The following ERBB4 variants were observed in gnomAD, a reference collection of about 807,000 sequenced individuals.
ERBB4 encodes receptor tyrosine-protein kinase erbB-4.
In ERBB4, 42 loss-of-function variants were observed where a neutral mutation model predicts 158.0. The ratio of observed to expected loss-of-function variants is 0.27; its 90% CI spans 0.21 to 0.34. The LOEUF (loss-of-function observed/expected upper bound fraction) is 0.34, where lower values mean the gene tolerates loss of function less well. Ranked by LOEUF, ERBB4 falls within the 10% of genes least tolerant of loss-of-function variation. The pLI is 1.00. For synonymous variants in ERBB4, 583 were observed against 558.7 expected (o/e 1.04, Z -0.61); for missense variants, 1,333 against 1,624.1 (o/e 0.82, Z 3.08).
intron 1 of ERBB4, among the ~76,000 whole-genome samples, chr2:212,399,804 A>G (rs1345475632): frequency 6.6e-6 from 1 of 151,576 alleles, no homozygotes; most frequent in Non-Finnish European, 1.5e-5. Context: ...ACTTCAATCC[A>G]GGAGGTGGAG....
At chr2:211,498,596 C>G (rs1055048338) in intron 20 of ERBB4, among the ~76,000 whole-genome samples, 5 of 151,952 alleles carry the variant, frequency 3.3e-5, no homozygotes, top group African/African-American at 4.8e-5. Context: ...ACCATTTTTT[C>G]AAACATCATA....
At chr2:211,762,431 C>T (rs1041776488) in intron 4 of ERBB4, among the ~76,000 whole-genome samples, 4 of 152,160 alleles carry the variant, frequency 2.6e-5, no homozygotes, top group South Asian at 4.1e-4. Flanking sequence ...ACTGGAACTT[C>T]GGGCTCTTGT....
At chr2:212,074,919 G>T (rs2078229522) in intron 2 of ERBB4, among the ~76,000 whole-genome samples, 1 of 151,882 alleles carries the variant, frequency 6.6e-6, no homozygotes, top group South Asian at 2.1e-4. Flanking sequence ...TTTAAAATTT[G>T]CTGGTCGTAG....
intron 25 of ERBB4, among the ~76,000 whole-genome samples, chr2:211,405,039 G>A (rs1432577578): frequency 6.6e-6 from 1 of 152,122 alleles, no homozygotes; most frequent in Non-Finnish European, 1.5e-5. Flanking sequence ...TTGTTAGTTT[G>A]AAGTGCTTTA....
In ERBB4 at chr2:211,430,895, G is replaced by A. The variant is rs763390054; in HGVS notation, c.2643+50C>T. On this transcript the variant is annotated intron_variant, in intron 21 of 27. Transcript: ENST00000342788. The stretch of plus-strand genomic sequence containing the variant: ...TTGTATAAAATATAAGGAGATAAAA[G>A]GATATTATACTATATTTTCAAGCAA... 5 of 1,432,186 alleles carry A rather than the reference G, an allele frequency of 3.5e-6. No homozygotes were observed. The African/African-American group carries it at 7.0e-5, about 20-fold the overall frequency. 88.7% of individuals were successfully genotyped at this position (1,432,186 alleles called of 1,614,324 possible).
At chr2:212,188,403 C>T (rs2082095021) in intron 1 of ERBB4, among the ~76,000 whole-genome samples, 1 of 151,322 alleles carries the variant, frequency 6.6e-6, no homozygotes, top group African/African-American at 2.4e-5. Context: ...GGTACACCTC[C>T]CTCTCCCACC....
At chr2:211,806,035 T>C (rs1411846688) in intron 3 of ERBB4, among the ~76,000 whole-genome samples, 1 of 151,788 alleles carries the variant, frequency 6.6e-6, no homozygotes, top group Non-Finnish European at 1.5e-5. Context: ...AAAGAACATA[T>C]AGAAGAATAC....
At chr2:211,481,864 TA>T (rs1287386690) in intron 20 of ERBB4, among the ~76,000 whole-genome samples, 2 of 152,034 alleles carry the variant, frequency 1.3e-5, no homozygotes, top group African/African-American at 4.8e-5. Flanking sequence ...AACTAACATC[TA>T]AAAAACAACT....
chr2:212,239,313 G>A (rs550937435), intron 1 of ERBB4, among the ~76,000 whole-genome samples: 16 of 152,212 alleles, frequency 1.1e-4, no homozygotes, highest in Non-Finnish European at 1.9e-4. Flanking sequence ...GAGTAGGTGA[G>A]ATGACAGGCA....
chr2:211,632,460 T>A (rs964723809), intron 16 of ERBB4, among the ~76,000 whole-genome samples: 1 of 152,100 alleles, frequency 6.6e-6, no homozygotes, highest in Non-Finnish European at 1.5e-5. Flanking sequence ...TTGAGACTAA[T>A]GTCCAACATT....
At chr2:212,337,044 AG>A (rs1398228395) in intron 1 of ERBB4, among the ~76,000 whole-genome samples, 3 of 152,102 alleles carry the variant, frequency 2.0e-5, no homozygotes, top group Non-Finnish European at 4.4e-5. Context: ...TTTCTTAAGA[AG>A]TTTATTGCCT....
At chr2:212,395,750 G>A (rs2091006951) in intron 1 of ERBB4, among the ~76,000 whole-genome samples, 1 of 151,130 alleles carries the variant, frequency 6.6e-6, no homozygotes, top group Non-Finnish European at 1.5e-5. Flanking sequence ...ATCCTGAGTA[G>A]CTGGGACTAC....
chr2:211,687,744 T>A (rs912214440), intron 12 of ERBB4, among the ~76,000 whole-genome samples: 2 of 152,156 alleles, frequency 1.3e-5, no homozygotes, highest in Non-Finnish European at 2.9e-5. Flanking sequence ...CTGGGATATA[T>A]GCAGCAAAAA....
At chr2:212,067,115 C>T (rs936637217) in intron 2 of ERBB4, among the ~76,000 whole-genome samples, 1 of 151,932 alleles carries the variant, frequency 6.6e-6, no homozygotes, top group Non-Finnish European at 1.5e-5. Flanking sequence ...TATAGCACAC[C>T]TTTATAAACA....
At chr2:212,141,483 G>A (rs1409704581) in intron 1 of ERBB4, among the ~76,000 whole-genome samples, 4 of 151,974 alleles carry the variant, frequency 2.6e-5, no homozygotes, top group Non-Finnish European at 5.9e-5. Context: ...AGTGCATGTA[G>A]AAAGACTGCT....
intron 12 of ERBB4, among the ~76,000 whole-genome samples, chr2:211,683,521 C>T (rs1484944348): frequency 6.6e-6 from 1 of 151,988 alleles, no homozygotes; most frequent in Non-Finnish European, 1.5e-5. Flanking sequence ...TTGTTTGTTT[C>T]TTTTTATTGA....
chr2:211,652,781 A>G (rs1419184785), intron 16 of ERBB4, among the ~76,000 whole-genome samples: 2 of 152,208 alleles, frequency 1.3e-5, no homozygotes, highest in African/African-American at 2.4e-5. Flanking sequence ...GGAGCAAGTA[A>G]CTAGATAAAA....
intron 2 of ERBB4, among the ~76,000 whole-genome samples, chr2:212,043,142 G>A (rs2077179259): frequency 1.3e-5 from 2 of 152,132 alleles, no homozygotes; most frequent in African/African-American, 4.8e-5. Context: ...TGATAAACAA[G>A]TTACCTTTGA....
At chr2:212,211,633 A>T (rs1473711806) in intron 1 of ERBB4, among the ~76,000 whole-genome samples, 4 of 148,888 alleles carry the variant, frequency 2.7e-5, no homozygotes, top group African/African-American at 2.5e-5. Context: ...AAAAAAATGG[A>T]TACATGTATA....
Sources: allele counts gnomAD v4.1 joint callset (sites outside exome capture counted in the v4.1 genomes callset), GRCh38; gene constraint gnomAD v4.1.1; transcripts MANE v1.5; gene names NCBI Gene and HGNC (gene_info 2026-07-23, HGNC 2026-07-21).